Variants in AMOT observed in about 807,000 individuals in gnomAD.
AMOT encodes the protein angiomotin.
A neutral mutation model predicts 67.0 loss-of-function variants in AMOT; 11 were observed. The observed-to-expected ratio is 0.16, with a 90% confidence interval of 0.10 to 0.27. The LOEUF is 0.27. AMOT is among the 10% of genes least tolerant of loss of function. The probability of loss-of-function intolerance (pLI) is 1.00; values close to 1 mark genes in which losing one functional copy is unlikely to be tolerated. For missense variants in AMOT, 753 were observed against 852.0 expected, an observed-to-expected ratio of 0.88 and a Z score of 1.45; for synonymous variants, 326 against 321.4, an observed-to-expected ratio of 1.01 and a Z score of -0.15.
In AMOT at chrX:112,791,821, G is replaced by A. The variant is rs773071762; in HGVS notation, c.1926+11C>T. On this transcript the variant is annotated intron_variant, in intron 9 of 13. Coordinates refer to ENST00000371959, the MANE Select transcript of AMOT (RefSeq NM_001113490.2). ...CTTTTTTTTCCCTTTCTTCCTTTAA[G>A]TTCTCCATACCTGCTGGATTCTCAG... 1.1e-4 allele frequency: 128 copies of A among 1,203,170 alleles called. No homozygotes were observed. Among genetic ancestry groups the A allele is most frequent in the Non-Finnish European group, 1.4e-4 (124 of 890,465 alleles).
chrX:112,840,247 T>C (rs1935258901), intron 1 of AMOT, among the ~76,000 whole-genome samples: 1 of 111,272 alleles, frequency 9.0e-6, no homozygotes, highest in Non-Finnish European at 1.9e-5. Context: ...CTCACCGAAG[T>C]AGGACGGGAA....
chrX:112,833,590 G>C (rs1195033820), intron 1 of AMOT, among the ~76,000 whole-genome samples: 1 of 110,175 alleles, frequency 9.1e-6, no homozygotes, highest in Non-Finnish European at 1.9e-5. Context: ...AGACCAAAGA[G>C]AAACTAATTG....
At chrX:112,807,533 G>A (rs933024893) in intron 7 of AMOT, among the ~76,000 whole-genome samples, 2 of 109,571 alleles carry the variant, frequency 1.8e-5, no homozygotes, top group Non-Finnish European at 3.8e-5. Flanking sequence ...TGATTCATAT[G>A]CTAACGGCTC....
In AMOT at chrX:112,779,226, C is replaced by A; in HGVS notation, c.2928G>T (p.Pro976=). ...CCAGAGCCGGAGCTGGAACTGGAGC[C>A]GGAGCAGCTGGAGCAACCTGAACAG... ...AAAVQVAPAA[P]APVPAPALVP... is the part of the protein sequence containing the mutation. The change falls in exon 13 of 14, where the codon CCG becomes CCT. Residue 976 remains proline, a synonymous_variant. Coordinates refer to ENST00000371959, the MANE Select transcript of AMOT (RefSeq NM_001113490.2). 1.4e-6 allele frequency: 1 copy of A among 696,033 alleles called. No homozygotes were observed. The highest frequency in any genetic ancestry group is 2.3e-6 in the Non-Finnish European group (1 of 427,622). The allele number at this position is 696,033 out of a possible 1,213,427, so 57.4% of individuals were successfully genotyped here.
intron 8 of AMOT, among the ~76,000 whole-genome samples, chrX:112,795,745 T>C (rs1444832614): frequency 9.0e-6 from 1 of 111,137 alleles, no homozygotes; most frequent in East Asian, 2.8e-4. Flanking sequence ...GGCTCCTCTT[T>C]TATGTGTTTT....
chrX:112,810,688 C>T (rs1463822294), intron 6 of AMOT, among the ~76,000 whole-genome samples: 6 of 101,499 alleles, frequency 5.9e-5, no homozygotes, highest in African/African-American at 1.9e-4. Flanking sequence ...CCAGCCTGGG[C>T]GACAGTGCAA....
chrX:112,822,373 C>T lies in AMOT; in HGVS notation c.754G>A (p.Val252Ile). The T allele has an allele frequency of 1.7e-6, 2 of 1,166,178 alleles. No homozygotes were observed. Among genetic ancestry groups the T allele is most frequent in the African/African-American group, 1.8e-5 (1 of 56,348 alleles). The change falls in exon 4 of 14, where the codon GTA becomes ATA. Residue 252 changes from valine (V) to isoleucine (I), a missense_variant. Physicochemically the swap from Val to Ile is conservative, Grantham distance 29 (BLOSUM62 3). This residue lies in a region of AMOT where 297 missense variants were observed against 284.3 expected (regional missense o/e 1.04). Coordinates refer to ENST00000371959, the MANE Select transcript of AMOT (RefSeq NM_001113490.2). ...CCTGGCTCTTGGGGCTTGCACACTA[C>T]AGATTGGGGTGGCATGCCCTTGAAG... ...YPFKGMPPQS[V>I]VCKPQEPGHF...
At chrX:112,808,100 A>G (rs1161084438) in intron 7 of AMOT, among the ~76,000 whole-genome samples, 1 of 112,310 alleles carries the variant, frequency 8.9e-6, no homozygotes, top group Non-Finnish European at 1.9e-5. Flanking sequence ...TCAATAGGGC[A>G]GTCTCACCTT....
intron 5 of AMOT, among the ~76,000 whole-genome samples, chrX:112,814,800 C>G (rs1934490310): frequency 9.0e-6 from 1 of 111,609 alleles, no homozygotes; most frequent in African/African-American, 3.3e-5. Flanking sequence ...CAGGGAGGGA[C>G]CAAATCAAAG....
chrX:112,838,414 G>GA (rs1488158540), intron 1 of AMOT, among the ~76,000 whole-genome samples: 2 of 112,061 alleles, frequency 1.8e-5, no homozygotes, highest in East Asian at 2.8e-4. Flanking sequence ...GGGCTCTTGG[G>GA]AGAGGCACAG....
At chrX:112,782,764 G>A (rs1933236471) in intron 10 of AMOT, 102 bp from the exon 11 acceptor site, 1 of 1,006,075 alleles carries the variant, frequency 9.9e-7, no homozygotes, top group East Asian at 3.1e-5. Flanking sequence ...GTCCTAAGCT[G>A]AAATCAAGCA....
chrX:112,776,777 A>G lies in AMOT; in HGVS notation c.*1790T>C, dbSNP rs1022351126. ...TTTTAAAAGGCACTGAAGGAGAGGC[A>G]AGACAGAAATTCAGTAGTTTGTCAA... On this transcript the variant is annotated 3_prime_UTR_variant, in exon 14 of 14. Coordinates refer to ENST00000371959, the MANE Select transcript of AMOT (RefSeq NM_001113490.2). 4.5e-5 allele frequency: 5 copies of G among 112,172 alleles called. No individual in the cohort carries two copies. Among genetic ancestry groups the G allele is most frequent in the Admixed American group, 2.9e-4 (3 of 10,525 alleles). The allele number at this position is 112,172 out of a possible 1,213,427, so 9.2% of individuals were successfully genotyped here. A position where few individuals can be genotyped will look rare whatever the true frequency, so the allele number is the denominator to read the frequency against.
At position 112,779,467 on chromosome X, in the gene AMOT, A is replaced by ATGGCGGCAGCAG. The variant is rs755738757; in HGVS notation, c.2675_2686dup (p.Thr892_Ala895dup). The ATGGCGGCAGCAG allele has an allele frequency of 1.7e-6, 2 of 1,204,143 alleles. No individual in the cohort carries two copies. The highest frequency in any genetic ancestry group is 3.6e-5 in the South Asian group (2 of 56,103). On this transcript the variant is annotated inframe_insertion, in exon 13 of 14. Coordinates refer to ENST00000371959, the MANE Select transcript of AMOT (RefSeq NM_001113490.2). ...GGTGATGGTGGCAGCAGTGGCAGTGATGGCGGCAGCAGTGGCGGCAGCAGC... is the reference window on the plus strand; with the variant it reads ...GGTGATGGTGGCAGCAGTGGCAGTGATGGCGGCAGCAGTGGCGGCAGCAGTGGCGGCAGCAGC...
At position 112,782,654 on chromosome X, in the gene AMOT, G is replaced by A; in HGVS notation, c.2126C>T (p.Thr709Ile). ...GGTGTTAGGAGAGTGACTGATGACT[G>A]TTGTGTCCCTGGGGAGGAAAATGGA... is the stretch of plus-strand genomic sequence containing the variant. The part of the protein sequence containing the change: ...AATVAAQRDT[T>I]VISHSPNTSY... Residue 709 changes from threonine to isoleucine, a missense_variant, in exon 11 of 14, where the codon ACA (threonine) becomes ATA (isoleucine). Coordinates refer to ENST00000371959, the MANE Select transcript of AMOT (RefSeq NM_001113490.2). The A allele has an allele frequency of 8.3e-7, 1 of 1,209,191 alleles. No homozygotes were observed. Among genetic ancestry groups the A allele is most frequent in the Non-Finnish European group, 1.1e-6 (1 of 894,117 alleles).
intron 11 of AMOT, among the ~76,000 whole-genome samples, chrX:112,782,258 A>T (rs986838976): frequency 8.9e-6 from 1 of 112,178 alleles, no homozygotes; most frequent in Non-Finnish European, 1.9e-5. Flanking sequence ...AGTGCTAGAA[A>T]GAATACTCCA....
At chrX:112,797,730 G>A (rs1451385660) in intron 8 of AMOT, among the ~76,000 whole-genome samples, 1 of 110,603 alleles carries the variant, frequency 9.0e-6, no homozygotes, top group African/African-American at 3.3e-5. Flanking sequence ...AAAGTGAGCC[G>A]CGATCGCGCC....
intron 2 of AMOT, among the ~76,000 whole-genome samples, chrX:112,828,560 GAAAAAC>G (rs1934902528): frequency 4.7e-5 from 5 of 105,334 alleles, no homozygotes; most frequent in Admixed American, 2.1e-4. Flanking sequence ...TTGTTTTTTT[GAAAAAC>G]AAAAACAAAA....
At chrX:112,778,696 G>A in intron 13 of AMOT, 32 bp from the exon 14 acceptor site, 1 of 1,124,575 alleles carries the variant, frequency 8.9e-7, no homozygotes, top group South Asian at 2.0e-5. Flanking sequence ...AAAACACTTA[G>A]GGATGAAGAA....
intron 8 of AMOT, among the ~76,000 whole-genome samples, chrX:112,797,411 G>A (rs1228361196): frequency 9.0e-6 from 1 of 110,698 alleles, no homozygotes. Context: ...CAGACACACA[G>A]ACACACACAC....
Sources: allele counts gnomAD v4.1 joint callset (sites outside exome capture counted in the v4.1 genomes callset), GRCh38; gene constraint gnomAD v4.1.1; regional missense constraint gnomAD v4.1.1; transcripts MANE v1.5; gene names NCBI Gene and HGNC (gene_info 2026-07-23, HGNC 2026-07-21).